GUCY1A2: variants seen among roughly 807,000 people sequenced by gnomAD.
GUCY1A2 encodes guanylate cyclase soluble subunit alpha-2.
A neutral mutation model predicts 63.5 loss-of-function variants in GUCY1A2; 27 were observed. The ratio of observed to expected loss-of-function variants is 0.43; its 90% CI spans 0.31 to 0.59. GUCY1A2 has a LOEUF of 0.59. GUCY1A2 is among the 20% of genes least tolerant of loss of function. GUCY1A2 has a pLI of 0.11. For missense variants in GUCY1A2, 768 were observed against 913.3 expected (o/e 0.84, Z 2.05); for synonymous variants, 364 against 343.5 (o/e 1.06, Z -0.66).
intron 3 of GUCY1A2, among the ~76,000 whole-genome samples, chr11:106,956,003 C>G (rs2120043478): frequency 6.6e-6 from 1 of 151,782 alleles, no homozygotes; most frequent in South Asian, 2.1e-4. Flanking sequence ...TCTTTTTTCT[C>G]TATTCTTGTC....
At chr11:106,873,068 C>T (rs372124692) in intron 4 of GUCY1A2, among the ~76,000 whole-genome samples, 4 of 152,156 alleles carry the variant, frequency 2.6e-5, no homozygotes, top group East Asian at 3.9e-4. Context: ...TAGCTTGCAG[C>T]TTCATCCATG....
chr11:106,906,068 G>T (rs1390796257), intron 4 of GUCY1A2, among the ~76,000 whole-genome samples: 3 of 152,096 alleles, frequency 2.0e-5, no homozygotes, highest in Non-Finnish European at 4.4e-5. Flanking sequence ...AAAAGCAATG[G>T]CAACAAAAGC....
intron 3 of GUCY1A2, among the ~76,000 whole-genome samples, chr11:106,956,655 C>G (rs576588963): frequency 2.0e-5 from 3 of 152,172 alleles, no homozygotes; most frequent in Non-Finnish European, 4.4e-5. Context: ...TGGGTGCCTG[C>G]TCCTTCTTCT....
chr11:106,897,863 A>G (rs1379743091), intron 4 of GUCY1A2, among the ~76,000 whole-genome samples: 1 of 152,156 alleles, frequency 6.6e-6, no homozygotes, highest in East Asian at 1.9e-4. Context: ...ACTTGACTTC[A>G]TTAAAATTAA....
intron 1 of GUCY1A2, among the ~76,000 whole-genome samples, chr11:106,996,653 G>C (rs1228595577): frequency 6.6e-6 from 1 of 152,174 alleles, no homozygotes; most frequent in Admixed American, 6.5e-5. Context: ...CAACCAAAGT[G>C]CCATGGGCAT....
At chr11:106,864,172 A>T (rs944526644) in intron 4 of GUCY1A2, among the ~76,000 whole-genome samples, 1 of 151,896 alleles carries the variant, frequency 6.6e-6, no homozygotes, top group African/African-American at 2.4e-5. Context: ...TATGTAACAA[A>T]CCTGCATATT....
chr11:106,892,636 A>G (rs971365872), intron 4 of GUCY1A2, among the ~76,000 whole-genome samples: 3 of 150,084 alleles, frequency 2.0e-5, no homozygotes, highest in African/African-American at 7.4e-5. Context: ...TCAACAAAGA[A>G]TGTTCCAAAA....
intron 3 of GUCY1A2, among the ~76,000 whole-genome samples, chr11:106,944,203 A>G (rs1860791300): frequency 1.6e-5 from 2 of 125,706 alleles, no homozygotes; most frequent in South Asian, 2.8e-4. Flanking sequence ...CAACAGAGTG[A>G]GACCCTGTCT....
intron 1 of GUCY1A2, among the ~76,000 whole-genome samples, chr11:106,990,539 C>T (rs1474976733): frequency 6.6e-6 from 1 of 152,252 alleles, no homozygotes; most frequent in Non-Finnish European, 1.5e-5. Flanking sequence ...CCAGATGGTG[C>T]GGGGATCAGG....
intron 2 of GUCY1A2, among the ~76,000 whole-genome samples, chr11:106,983,343 T>C (rs1861361943): frequency 1.3e-5 from 2 of 152,194 alleles, no homozygotes; most frequent in South Asian, 4.1e-4. Flanking sequence ...AACAGAATAA[T>C]GTTTAAAGAT....
chr11:106,803,160 C>T (rs1858634311), intron 5 of GUCY1A2, among the ~76,000 whole-genome samples: 4 of 151,934 alleles, frequency 2.6e-5, no homozygotes, highest in Admixed American at 2.6e-4. Context: ...TTCAGGCTGC[C>T]GTATTAGAAT....
chr11:106,956,776 C>G (rs967478706), intron 3 of GUCY1A2, among the ~76,000 whole-genome samples: 1 of 152,158 alleles, frequency 6.6e-6, no homozygotes, highest in Non-Finnish European at 1.5e-5. Flanking sequence ...GCACAGGGAG[C>G]AGGACCCATT....
intron 6 of GUCY1A2, among the ~76,000 whole-genome samples, chr11:106,713,111 G>A (rs1247143353): frequency 6.6e-6 from 1 of 152,112 alleles, no homozygotes; most frequent in Non-Finnish European, 1.5e-5. Flanking sequence ...GCCACAGCCT[G>A]GATGCCTCTC....
intron 4 of GUCY1A2, among the ~76,000 whole-genome samples, chr11:106,854,611 C>T (rs76352279): frequency 0.038 from 5,797 of 152,214 alleles, 583 homozygotes; most frequent in East Asian, 0.25. Context: ...GCACAAGCAT[C>T]AACAGTGGCG....
rs1862392147 is a variant in GUCY1A2 at position 106,679,141 on chromosome 11, T to A, written c.*8408A>T. The A allele has an allele frequency of 5.4e-6, 1 of 185,694 alleles. No individual in the cohort carries two copies. The highest frequency in any genetic ancestry group is 1.1e-5 in the Non-Finnish European group (1 of 87,664). 11.5% of individuals were successfully genotyped at this position (185,694 alleles called of 1,614,324 possible). Reference sequence around the variant, plus strand: ...TTCTTTTTCTAACTGATAATTTTGATTAAAAATTGCTCAGGTTTGTTCCCT... The same window carrying A: ...TTCTTTTTCTAACTGATAATTTTGAATAAAAATTGCTCAGGTTTGTTCCCT... On this transcript the variant is annotated 3_prime_UTR_variant, in exon 8 of 8. Coordinates refer to ENST00000526355, the MANE Select transcript of GUCY1A2 (RefSeq NM_000855.3).
At chr11:106,781,164 G>A (rs1489607110) in intron 5 of GUCY1A2, among the ~76,000 whole-genome samples, 2 of 147,538 alleles carry the variant, frequency 1.4e-5, no homozygotes, top group East Asian at 2.0e-4. Context: ...ACTTTGTTCT[G>A]AATTCCTTTA....
At chr11:106,713,588 G>A (rs550669765) in intron 6 of GUCY1A2, among the ~76,000 whole-genome samples, 1 of 135,146 alleles carries the variant, frequency 7.4e-6, no homozygotes, top group African/African-American at 2.9e-5. Flanking sequence ...CTCACTGCAA[G>A]CTCCGTCTCC....
At chr11:106,750,463 C>G (rs745778636) in intron 6 of GUCY1A2, among the ~76,000 whole-genome samples, 13 of 151,994 alleles carry the variant, frequency 8.6e-5, no homozygotes, top group Non-Finnish European at 1.9e-4. Flanking sequence ...AAGTTGACAC[C>G]TAATATTAAC....
chr11:106,857,329 G>T (rs1266885266), intron 4 of GUCY1A2, among the ~76,000 whole-genome samples: 1 of 151,960 alleles, frequency 6.6e-6, no homozygotes, highest in Admixed American at 6.6e-5. Context: ...TCTTACACAG[G>T]CTCTAATCTC....
Sources: gnomAD v4.1 joint callset for allele counts (sites outside exome capture counted in the v4.1 genomes callset) on GRCh38, gnomAD v4.1.1 for gene constraint, MANE v1.5 for transcripts, NCBI Gene and HGNC (gene_info 2026-07-23, HGNC 2026-07-21) for gene names.